Variants in PARD3B observed in about 807,000 individuals in gnomAD.
PARD3B encodes partitioning defective 3 homolog B.
In PARD3B, 103 loss-of-function variants were observed where a neutral mutation model predicts 130.2. That is an observed-to-expected ratio of 0.79 (90% CI 0.67 to 0.93). The LOEUF (loss-of-function observed/expected upper bound fraction) is 0.93. PARD3B is among the 40% of genes least tolerant of loss of function. The probability of loss-of-function intolerance (pLI) is 0.00; values close to 1 mark genes in which losing one functional copy is unlikely to be tolerated. For synonymous variants in PARD3B, 583 were observed against 553.2 expected (o/e 1.05, Z -0.76); for missense variants, 1,609 against 1,499.2 (o/e 1.07, Z -1.21).
At chr2:205,219,234 A>G (rs1470203068) in intron 15 of PARD3B, among the ~76,000 whole-genome samples, 1 of 152,178 alleles carries the variant, frequency 6.6e-6, no homozygotes, top group Non-Finnish European at 1.5e-5. Context: ...TTTAATATGT[A>G]TGTGTAATCG....
intron 1 of PARD3B, among the ~76,000 whole-genome samples, chr2:204,650,570 A>T (rs771397634): frequency 6.6e-6 from 1 of 152,208 alleles, no homozygotes; most frequent in Non-Finnish European, 1.5e-5. Flanking sequence ...TGCAGCCATA[A>T]AAAGAAATGA....
intron 4 of PARD3B, among the ~76,000 whole-genome samples, chr2:205,074,517 T>C (rs1700927526): frequency 6.6e-6 from 1 of 152,178 alleles, no homozygotes; most frequent in Non-Finnish European, 1.5e-5. Flanking sequence ...CTTATCTTCA[T>C]AGAAAATGGT....
Position 205,229,995 on chromosome 2 carries a change from C to T in PARD3B, c.2141-15783C>T, listed in dbSNP as rs1410090145. On this transcript the variant is annotated intron_variant, in intron 15 of 22. Coordinates refer to ENST00000406610, the MANE Select transcript of PARD3B (RefSeq NM_001302769.2). The surrounding 1 kb of genome is among the most constrained non-coding windows in gnomAD (Gnocchi z 5.2). ...ATTCCAGGTCTAAGGACTCTTCAGT[C>T]AGCTCATGGTGAATGCTGCCAGGCC... Among the ~76,000 whole-genome samples, 1 of 151,800 alleles carries T rather than the reference C, an allele frequency of 6.6e-6. No homozygotes were observed. The highest frequency in any genetic ancestry group is 1.5e-5 in the Non-Finnish European group (1 of 67,978).
rs1574616307 is a variant in PARD3B, at chr2:205,292,989, A to C, written c.2186-7541A>C. 6.6e-6 allele frequency among the ~76,000 whole-genome samples: 1 copy of C among 152,314 alleles called. No individual in the cohort carries two copies. Among genetic ancestry groups the C allele is most frequent in the African/African-American group, 2.4e-5 (1 of 41,576 alleles). On this transcript the variant is annotated intron_variant, in intron 16 of 22. Transcript: ENST00000406610. The surrounding 1 kb of genome is among the most constrained non-coding windows in gnomAD (Gnocchi z 5.3). ...TGTATTTATAAAGAAATTGTTATTCATATGAACATGAAACTGAAAAACCTC... is the reference window on the plus strand; with the variant it reads ...TGTATTTATAAAGAAATTGTTATTCCTATGAACATGAAACTGAAAAACCTC...
intron 3 of PARD3B, among the ~76,000 whole-genome samples, chr2:204,977,435 A>T (rs1692269759): frequency 6.6e-6 from 1 of 152,138 alleles, no homozygotes; most frequent in African/African-American, 2.4e-5. Flanking sequence ...GGCATACTCA[A>T]AGGTGTGTTT....
At chr2:205,536,929 G>A (rs552750843) in intron 21 of PARD3B, among the ~76,000 whole-genome samples, 2 of 152,188 alleles carry the variant, frequency 1.3e-5, no homozygotes, top group South Asian at 4.1e-4. Context: ...TTATGAATTG[G>A]CGTTGTACAT....
At chr2:205,262,825 G>T (rs1030870235) in intron 16 of PARD3B, among the ~76,000 whole-genome samples, 1 of 152,030 alleles carries the variant, frequency 6.6e-6, no homozygotes, top group African/African-American at 2.4e-5. Context: ...AACTCAGAGG[G>T]TCCATTTATT....
intron 14 of PARD3B, among the ~76,000 whole-genome samples, chr2:205,188,131 G>A (rs982744205): frequency 6.6e-6 from 1 of 152,236 alleles, no homozygotes; most frequent in African/African-American, 2.4e-5. Context: ...GAGCCTAGAG[G>A]AAGAAGCCAC....
intron 2 of PARD3B, among the ~76,000 whole-genome samples, chr2:204,885,007 C>G (rs1346929211): frequency 6.6e-6 from 1 of 152,158 alleles, no homozygotes; most frequent in Admixed American, 6.5e-5. Context: ...AATGGGATTG[C>G]TGGGTCAAAT....
chr2:205,271,369 A>G (rs1574556960), intron 16 of PARD3B, among the ~76,000 whole-genome samples: 1 of 152,222 alleles, frequency 6.6e-6, no homozygotes, highest in South Asian at 2.1e-4. Context: ...CACCCCCATA[A>G]TCCCCTTATT....
At chr2:205,171,964 T>TAC (rs1336564702) in intron 11 of PARD3B, among the ~76,000 whole-genome samples, 2 of 152,330 alleles carry the variant, frequency 1.3e-5, no homozygotes, top group East Asian at 3.9e-4. Context: ...TACAAATGTC[T>TAC]AAATTATTGC....
At chr2:205,064,116 T>C (rs936940754) in intron 4 of PARD3B, among the ~76,000 whole-genome samples, 8 of 152,188 alleles carry the variant, frequency 5.3e-5, no homozygotes, top group Non-Finnish European at 1.2e-4. Context: ...TTAAATTTTA[T>C]AAGCTAATAA....
At chr2:205,360,681 G>T (rs2044356186) in intron 18 of PARD3B, among the ~76,000 whole-genome samples, 1 of 152,146 alleles carries the variant, frequency 6.6e-6, no homozygotes, top group African/African-American at 2.4e-5. Context: ...CCAGGTGCAT[G>T]GGCTCTGGGG....
chr2:204,825,965 C>A (rs1044342270), intron 2 of PARD3B, among the ~76,000 whole-genome samples: 1 of 152,102 alleles, frequency 6.6e-6, no homozygotes, highest in Non-Finnish European at 1.5e-5. Context: ...TGTGATGATC[C>A]TAAAGGCTCA....
In PARD3B at chr2:204,807,248, A is replaced by G. The variant is rs571876411; in HGVS notation, c.222+120966A>G. On this transcript the variant is annotated intron_variant, in intron 2 of 22. Coordinates refer to ENST00000406610, the MANE Select transcript of PARD3B (RefSeq NM_001302769.2). The stretch of plus-strand genomic sequence containing the variant: ...TTCAAGATGAGATTTGCATGGGGAC[A>G]TATCAATTATTGATCATTGGTGAGA... Among the ~76,000 whole-genome samples the G allele has an allele frequency of 2.4e-4, 37 of 152,308 alleles. No homozygotes were observed. In the South Asian group the frequency reaches 7.5e-3, roughly 31 times the overall value.
At chr2:205,444,967 TGAG>T (rs2047855733) in intron 20 of PARD3B, among the ~76,000 whole-genome samples, 1 of 141,970 alleles carries the variant, frequency 7.0e-6, no homozygotes, top group African/African-American at 3.1e-5. Context: ...AGAATTATAA[TGAG>T]AAGAGAATTG....
intron 2 of PARD3B, among the ~76,000 whole-genome samples, chr2:204,951,981 A>T (rs1156464536): frequency 6.6e-6 from 1 of 152,230 alleles, no homozygotes; most frequent in Non-Finnish European, 1.5e-5. Flanking sequence ...TGCAACAAAG[A>T]TGATTGATGA....
intron 5 of PARD3B, among the ~76,000 whole-genome samples, chr2:205,111,313 T>C (rs1265961701): frequency 6.6e-6 from 1 of 152,042 alleles, no homozygotes; most frequent in African/African-American, 2.4e-5. Flanking sequence ...ATTGCAACTA[T>C]TGTGTGTAAT....
At chr2:204,597,000 A>G (rs1319900130) in intron 1 of PARD3B, among the ~76,000 whole-genome samples, 2 of 151,780 alleles carry the variant, frequency 1.3e-5, no homozygotes, top group South Asian at 2.1e-4. Flanking sequence ...TGTAAGATAA[A>G]CCTAAGAAAA....
Sources: allele counts gnomAD v4.1 joint callset (sites outside exome capture counted in the v4.1 genomes callset), GRCh38; gene constraint gnomAD v4.1.1; non-coding constraint Gnocchi (gnomAD v3.1); transcripts MANE v1.5; gene names NCBI Gene and HGNC (gene_info 2026-07-23, HGNC 2026-07-21).